The following AMDHD2 variants were observed in gnomAD, a reference collection of about 807,000 sequenced individuals.
The protein encoded by AMDHD2 is amidohydrolase domain containing 2.
In AMDHD2, 24 loss-of-function variants were observed where a neutral mutation model predicts 41.8. That is an observed-to-expected ratio of 0.57 (90% CI 0.42 to 0.81). AMDHD2 has a LOEUF of 0.81. Ranked by LOEUF, AMDHD2 falls within the 30% of genes least tolerant of loss-of-function variation. The pLI, the probability that AMDHD2 is intolerant of heterozygous loss-of-function variation, is 0.00. For synonymous variants in AMDHD2, 332 were observed against 255.5 expected (o/e 1.30, Z -2.85); for missense variants, 540 against 588.5 (o/e 0.92, Z 0.85).
In AMDHD2 at chr16:2,527,237, G is replaced by A. The variant is rs1420764122; in HGVS notation, c.361-324G>A. The stretch of plus-strand genomic sequence containing the variant: ...TGCCCACACTGAGCTCTGCCCCAGG[G>A]TCCCTGCTGCTCCCAGGAGCCTCCT... On this transcript the variant is annotated intron_variant, in intron 3 of 10. Transcript: ENST00000293971. This position sits in a 1 kb window ranked among gnomAD's most constrained non-coding sequence, Gnocchi z 6.1. 3 of 464,552 alleles carry A rather than the reference G, an allele frequency of 6.5e-6. No individual in the cohort carries two copies. Among genetic ancestry groups the A allele is most frequent in the Non-Finnish European group, 1.2e-5 (3 of 259,362 alleles). 28.8% of individuals were successfully genotyped at this position (464,552 alleles called of 1,614,324 possible). A position where few individuals can be genotyped will look rare whatever the true frequency, so the allele number is the denominator to read the frequency against.
At position 2,527,422 on chromosome 16, in the gene AMDHD2, C is replaced by T. The variant is rs2066017538; in HGVS notation, c.361-139C>T. ...TTCTGCCGGCTGTGCTTTCCCTGAC[C>T]CCTGTGAGGGGACAGGCGGCCGGGG... On this transcript the variant is annotated intron_variant, in intron 3 of 10. Coordinates refer to ENST00000293971, the MANE Select transcript of AMDHD2 (RefSeq NM_001330449.2). The surrounding 1 kb of genome is among the most constrained non-coding windows in gnomAD (Gnocchi z 6.1). 10 of 835,146 alleles carry T rather than the reference C, an allele frequency of 1.2e-5. No homozygotes were observed. Among genetic ancestry groups the T allele is most frequent in the South Asian group, 1.1e-4 (7 of 65,808 alleles). The allele number at this position is 835,146 out of a possible 1,614,324, so 51.7% of individuals were successfully genotyped here. A position where few individuals can be genotyped will look rare whatever the true frequency, so the allele number is the denominator to read the frequency against.
At chr16:2,520,594 C>T (rs2065920204) in intron 1 of AMDHD2, 53 bp downstream of exon 1, 1 of 688,662 alleles carries the variant, frequency 1.5e-6, no homozygotes, top group Non-Finnish European at 1.8e-6. Context: ...GTGCAGGGTG[C>T]GGGGCCGGGG....
At chr16:2,523,146 C>T (rs954767912) in intron 3 of AMDHD2, among the ~76,000 whole-genome samples, 3 of 152,160 alleles carry the variant, frequency 2.0e-5, no homozygotes, top group African/African-American at 7.2e-5. Flanking sequence ...CCAACCAATA[C>T]TTAACTATTT....
At chr16:2,528,942 G>C (rs2066046612) in intron 9 of AMDHD2, 52 bp from the exon 10 acceptor site, 3 of 1,535,908 alleles carry the variant, frequency 2.0e-6, no homozygotes, top group East Asian at 2.4e-5. Flanking sequence ...GGGGGCTGTT[G>C]GCAAAGCCAT....
intron 10 of AMDHD2, 164 bp from the exon 11 acceptor site, chr16:2,529,311 C>G (rs2066053059): frequency 8.3e-7 from 1 of 1,204,454 alleles, no homozygotes; most frequent in East Asian, 2.5e-5. Flanking sequence ...TTGCAGGGAG[C>G]ATTGTCCAGT....
chr16:2,529,678 G>A lies in AMDHD2; in HGVS notation c.*115G>A. The A allele has an allele frequency of 6.5e-7, 1 of 1,529,056 alleles. No homozygotes were observed. The highest frequency in any genetic ancestry group is 8.8e-7 in the Non-Finnish European group (1 of 1,140,964). The allele number at this position is 1,529,056 out of a possible 1,614,324, so 94.7% of individuals were successfully genotyped here. A position where few individuals can be genotyped will look rare whatever the true frequency, so the allele number is the denominator to read the frequency against. On this transcript the variant is annotated 3_prime_UTR_variant, in exon 11 of 11. Transcript: ENST00000293971. ...GAGCCCTGCTGGATTGATGCCCAGG[G>A]CCTGTGCGGCCGCCCTGGAGGCGGT...
rs751480425 is a variant in AMDHD2 at position 2,521,094 on chromosome 16, G to A, written c.331G>A (p.Val111Ile). The A allele has an allele frequency of 6.2e-7, 1 of 1,600,066 alleles. No homozygotes were observed. Among genetic ancestry groups the A allele is most frequent in the East Asian group, 2.3e-5 (1 of 44,110 alleles). Residue 111 changes from valine (V) to isoleucine (I), a missense_variant, in exon 3 of 11, where the codon GTC becomes ATC. Transcript: ENST00000293971. ...HGVTSFCPTL[V>I]TSPPEVYHKV... ...CGTCACCTCCTTCTGCCCCACCCTG[G>A]TCACTTCCCCACCGGAGGTTTATCA...
chr16:2,528,622 C>T (rs754798317), intron 8 of AMDHD2, 28 bp from the exon 9 acceptor site: 14 of 1,613,014 alleles, frequency 8.7e-6, no homozygotes, highest in Non-Finnish European at 1.2e-5. Flanking sequence ...CCACGACCCC[C>T]CCAGAGCCTG....
At position 2,520,838 on chromosome 16, in the gene AMDHD2, G is replaced by A; in HGVS notation, c.153G>A (p.Val51=). 6.2e-7 allele frequency: 1 copy of A among 1,612,018 alleles called. No homozygotes were observed. The highest frequency in any genetic ancestry group is 8.5e-7 in the Non-Finnish European group (1 of 1,179,432). ...AGCTGTTCTTTGAGGAGCGGCGCGT[G>A]GCCGACGAGCGGCGGGACTGCGGGG... is the stretch of plus-strand genomic sequence containing the variant. The part of the protein sequence containing the change: ...PEKLFFEERR[V]ADERRDCGGR... Residue 51 remains valine (V), a synonymous_variant, in exon 2 of 11, where the codon GTG becomes GTA. Coordinates refer to ENST00000293971, the MANE Select transcript of AMDHD2 (RefSeq NM_001330449.2).
intron 9 of AMDHD2, 128 bp from the exon 10 acceptor site, chr16:2,528,866 G>C: frequency 5.3e-6 from 8 of 1,498,252 alleles, no homozygotes; most frequent in Non-Finnish European, 6.3e-6. Flanking sequence ...CAGGGTGACA[G>C]GCAGACCAGC....
At position 2,530,047 on chromosome 16, in the gene AMDHD2, T is replaced by G. The variant is rs1437109294; in HGVS notation, c.*484T>G. On this transcript the variant is annotated 3_prime_UTR_variant, in exon 11 of 11. Coordinates refer to ENST00000293971, the MANE Select transcript of AMDHD2 (RefSeq NM_001330449.2). The stretch of plus-strand genomic sequence containing the variant: ...AGTGTGGACAGTCAGGGGTTTGCTT[T>G]CTGCTCCTGAGTTGGGGTGTGCAGC... 4.9e-6 allele frequency: 4 copies of G among 808,852 alleles called. No homozygotes were observed. In the East Asian group the frequency reaches 1.1e-4, roughly 22 times the overall value. 50.1% of individuals were successfully genotyped at this position (808,852 alleles called of 1,614,324 possible).
chr16:2,528,862 G>GACC lies in AMDHD2; in HGVS notation c.1040-130_1040-129insCAC, dbSNP rs944369647. 2.7e-6 allele frequency: 4 copies of GACC among 1,502,310 alleles called. No individual in the cohort carries two copies. In the African/African-American group the frequency reaches 5.6e-5, roughly 21 times the overall value. 93.1% of individuals were successfully genotyped at this position (1,502,310 alleles called of 1,614,324 possible). A position where few individuals can be genotyped will look rare whatever the true frequency, so the allele number is the denominator to read the frequency against. On this transcript the variant is annotated intron_variant, in intron 9 of 10. Coordinates refer to ENST00000293971, the MANE Select transcript of AMDHD2 (RefSeq NM_001330449.2). ...GTACTTGGTGACTCAGGCCCAGGGT[G>GACC]ACAGGCAGACCAGCAGGGTCCTTGT...
rs767974222 is a variant in AMDHD2, at chr16:2,527,834, C to T, written c.477C>T (p.His159=). The change falls in exon 5 of 11, where the codon CAC becomes CAT. Residue 159 remains histidine (H), a synonymous_variant. Coordinates refer to ENST00000293971, the MANE Select transcript of AMDHD2 (RefSeq NM_001330449.2). This position sits in a 1 kb window ranked among gnomAD's most constrained non-coding sequence, Gnocchi z 6.1. ...REKRGAHPEA[H]LRSFEADAFQ... ...AGCGGGGCGCGCACCCCGAGGCCCA[C>T]CTCCGCTCCTTCGAGGCCGATGCCT... 1.3e-6 allele frequency: 2 copies of T among 1,596,588 alleles called. No individual in the cohort carries two copies. Among genetic ancestry groups the T allele is most frequent in the Non-Finnish European group, 1.7e-6 (2 of 1,178,290 alleles).
intron 3 of AMDHD2, among the ~76,000 whole-genome samples, chr16:2,526,844 C>T (rs1229810126): frequency 2.6e-5 from 4 of 152,100 alleles, no homozygotes; most frequent in East Asian, 1.9e-4. Flanking sequence ...GCAGGAGAAT[C>T]GCTTGAACTC....
chr16:2,524,505 T>TGTGCTCTCTCTATGTA (rs2141903615), intron 3 of AMDHD2, among the ~76,000 whole-genome samples: 1 of 152,334 alleles, frequency 6.6e-6, no homozygotes, highest in Admixed American at 6.5e-5. Flanking sequence ...GATCTTTTAC[T>TGTGCTCTCTCTATGTA]GTGCTCTCTC....
chr16:2,527,705 G>A lies in AMDHD2; in HGVS notation c.416-68G>A, dbSNP rs1300019033. On this transcript the variant is annotated intron_variant, in intron 4 of 10. Coordinates refer to ENST00000293971, the MANE Select transcript of AMDHD2 (RefSeq NM_001330449.2). This position sits in a 1 kb window ranked among gnomAD's most constrained non-coding sequence, Gnocchi z 6.1. ...CCACCCCTCCAGATGCCCAGCTGGT[G>A]GGGAGGGCAGGTGATAAGGGCTGGG... 12 of 1,555,166 alleles carry A rather than the reference G, an allele frequency of 7.7e-6. No individual in the cohort carries two copies. Among genetic ancestry groups the A allele is most frequent in the Non-Finnish European group, 1.0e-5 (12 of 1,149,478 alleles).
Position 2,531,187 on chromosome 16 carries a change from G to A in AMDHD2, c.*1624G>A. 1.7e-5 allele frequency: 23 copies of A among 1,356,626 alleles called. No homozygotes were observed. Among genetic ancestry groups the A allele is most frequent in the Non-Finnish European group, 2.0e-5 (20 of 1,004,254 alleles). 84.0% of individuals were successfully genotyped at this position (1,356,626 alleles called of 1,614,324 possible). A position where few individuals can be genotyped will look rare whatever the true frequency, so the allele number is the denominator to read the frequency against. On this transcript the variant is annotated 3_prime_UTR_variant, in exon 11 of 11. Coordinates refer to ENST00000293971, the MANE Select transcript of AMDHD2 (RefSeq NM_001330449.2). ...TTGGGCCTGGCCTGCCCCATTCACC[G>A]GCCAGCGCCCCACCTCCCTGGCTGG...
At chr16:2,526,548 C>T (rs2066006161) in intron 3 of AMDHD2, among the ~76,000 whole-genome samples, 1 of 151,928 alleles carries the variant, frequency 6.6e-6, no homozygotes, top group South Asian at 2.1e-4. Flanking sequence ...CCCAGACCTG[C>T]CCAGTGTCCC....
Position 2,528,296 on chromosome 16 carries a change from C to A in AMDHD2, c.778C>A (p.Arg260Ser), listed in dbSNP as rs146802053. Residue 260 changes from arginine (R) to serine (S), a missense_variant, in exon 7 of 11, where the codon CGC (arginine) becomes AGC (serine). Transcript: ENST00000293971. ...GACCAGCGACCGGCTGCCCGCAGGC[C>A]GCTGCATCTTCTATGGGATGATTGC... ...LLTSDRLPAG[R>S]CIFYGMIADG... is the part of the protein sequence containing the mutation. 1.2e-6 allele frequency: 2 copies of A among 1,612,490 alleles called. No individual in the cohort carries two copies. Among genetic ancestry groups the A allele is most frequent in the African/African-American group, 2.7e-5 (2 of 74,918 alleles).
Sources: gnomAD v4.1 joint callset for allele counts (sites outside exome capture counted in the v4.1 genomes callset) on GRCh38, gnomAD v4.1.1 for gene constraint, Gnocchi (gnomAD v3.1) non-coding constraint, MANE v1.5 for transcripts, NCBI Gene and HGNC (gene_info 2026-07-23, HGNC 2026-07-21) for gene names.